Variants in AKAP6 observed in about 807,000 individuals in gnomAD.
AKAP6 encodes the protein A-kinase anchoring protein 6.
A neutral mutation model predicts 188.5 loss-of-function variants in AKAP6; 58 were observed. The ratio of observed to expected loss-of-function variants is 0.31; its 90% CI spans 0.25 to 0.38. The LOEUF is 0.38. AKAP6 is among the 10% of genes least tolerant of loss of function. The probability of loss-of-function intolerance (pLI) is 1.00; values close to 1 mark genes in which losing one functional copy is unlikely to be tolerated. For synonymous variants in AKAP6, 989 were observed against 998.6 expected (o/e 0.99, Z 0.18); for missense variants, 2,710 against 2,740.0 (o/e 0.99, Z 0.24).
At chr14:32,684,597 G>C (rs781029484) in intron 8 of AKAP6, among the ~76,000 whole-genome samples, 25 of 152,174 alleles carry the variant, frequency 1.6e-4, no homozygotes, top group Non-Finnish European at 3.4e-4. Context: ...AGAGGAGAGA[G>C]AGAAACTAGA....
intron 12 of AKAP6, among the ~76,000 whole-genome samples, chr14:32,787,530 A>C (rs1016705311): frequency 6.6e-6 from 1 of 152,224 alleles, no homozygotes; most frequent in Non-Finnish European, 1.5e-5. Flanking sequence ...CCCCCAAAAA[A>C]ATTAAAAGCA....
intron 2 of AKAP6, among the ~76,000 whole-genome samples, chr14:32,456,879 A>G (rs1381334608): frequency 1.3e-5 from 2 of 152,248 alleles, no homozygotes; most frequent in Admixed American, 6.5e-5. Context: ...GAAATAATTT[A>G]TATGAAAAAA....
intron 1 of AKAP6, among the ~76,000 whole-genome samples, chr14:32,369,783 C>T (rs1157213344): frequency 6.6e-6 from 1 of 152,200 alleles, no homozygotes; most frequent in Non-Finnish European, 1.5e-5. Flanking sequence ...AAATCATAAC[C>T]TCCTTGGGAG....
At chr14:32,753,094 G>T (rs1213928487) in intron 11 of AKAP6, among the ~76,000 whole-genome samples, 1 of 152,060 alleles carries the variant, frequency 6.6e-6, no homozygotes, top group Admixed American at 6.6e-5. Context: ...TCATGTGGTA[G>T]TTCTGCTTTT....
intron 12 of AKAP6, among the ~76,000 whole-genome samples, chr14:32,818,628 A>T (rs1034017423): frequency 1.4e-4 from 21 of 151,930 alleles, no homozygotes; most frequent in Non-Finnish European, 2.5e-4. Flanking sequence ...GAGCAAAGGA[A>T]TTTTTTCCTT....
chr14:32,687,126 GA>G (rs1241921327), intron 8 of AKAP6, among the ~76,000 whole-genome samples: 1 of 152,282 alleles, frequency 6.6e-6, no homozygotes, highest in East Asian at 1.9e-4. Context: ...TTTAGGAAAA[GA>G]AGTGCCTCTA....
intron 9 of AKAP6, among the ~76,000 whole-genome samples, chr14:32,698,976 C>T (rs773111651): frequency 2.6e-4 from 40 of 152,252 alleles, no homozygotes; most frequent in Non-Finnish European, 4.9e-4. Context: ...CTGGGTGTCT[C>T]TCTGTATTTC....
chr14:32,552,131 G>A (rs1594737450), intron 4 of AKAP6, among the ~76,000 whole-genome samples: 3 of 152,136 alleles, frequency 2.0e-5, no homozygotes, highest in African/African-American at 4.8e-5. Flanking sequence ...GTAATTGCTC[G>A]ATAAAGACTA....
intron 7 of AKAP6, among the ~76,000 whole-genome samples, chr14:32,635,760 TG>T (rs1280401417): frequency 9.2e-5 from 14 of 152,260 alleles, no homozygotes; most frequent in African/African-American, 3.4e-4. Flanking sequence ...ATGTTGAAAA[TG>T]AGTGATTAAT....
intron 11 of AKAP6, among the ~76,000 whole-genome samples, chr14:32,742,348 C>T (rs2031718551): frequency 6.8e-6 from 1 of 148,100 alleles, no homozygotes; most frequent in African/African-American, 2.5e-5. Flanking sequence ...GTATTTTTTT[C>T]TTCATTTCAA....
At chr14:32,642,453 G>T (rs1289213574) in intron 7 of AKAP6, among the ~76,000 whole-genome samples, 1 of 152,120 alleles carries the variant, frequency 6.6e-6, no homozygotes, top group Non-Finnish European at 1.5e-5. Flanking sequence ...CTCTATTTCA[G>T]GCAATATAAA....
chr14:32,738,590 G>A (rs1300488687), intron 11 of AKAP6, among the ~76,000 whole-genome samples: 1 of 152,118 alleles, frequency 6.6e-6, no homozygotes, highest in Non-Finnish European at 1.5e-5. Flanking sequence ...TCTTATATGT[G>A]TGGGTATTTA....
chr14:32,619,764 TA>T (rs1477707219), intron 7 of AKAP6, among the ~76,000 whole-genome samples: 1 of 152,222 alleles, frequency 6.6e-6, no homozygotes, highest in African/African-American at 2.4e-5. Context: ...CTTTGAGCAA[TA>T]TGGTCATTTT....
intron 7 of AKAP6, among the ~76,000 whole-genome samples, chr14:32,651,651 A>G (rs1888232582): frequency 6.6e-6 from 1 of 152,100 alleles, no homozygotes; most frequent in Admixed American, 6.6e-5. Flanking sequence ...GATAAGCAAG[A>G]GCACACTCCC....
At chr14:32,339,002 G>A (rs909915701) in intron 1 of AKAP6, among the ~76,000 whole-genome samples, 1 of 152,190 alleles carries the variant, frequency 6.6e-6, no homozygotes, top group African/African-American at 2.4e-5. Flanking sequence ...ACTGTGTCAA[G>A]CATATATATT....
Position 32,559,737 on chromosome 14 carries a change from A to C in AKAP6, c.2346+12738A>C, listed in dbSNP as rs142793860. The stretch of plus-strand genomic sequence containing the variant: ...GGGTATTTTTTAAGTTCTTCAAGCA[A>C]TTGTAATGTACAGTTGCGGTTGGGA... On this transcript the variant is annotated intron_variant, in intron 4 of 13. Coordinates refer to ENST00000280979, the MANE Select transcript of AKAP6 (RefSeq NM_004274.5). Among the ~76,000 whole-genome samples, 501 of 151,172 alleles carry C rather than the reference A, an allele frequency of 3.3e-3. 1 individual carries two copies. The highest frequency in any genetic ancestry group is 0.012 in the African/African-American group (490 of 41,120).
intron 1 of AKAP6, among the ~76,000 whole-genome samples, chr14:32,342,738 A>T (rs973646575): frequency 6.6e-6 from 1 of 152,160 alleles, no homozygotes; most frequent in African/African-American, 2.4e-5. Flanking sequence ...ACTGAACAAG[A>T]GATGTGTTAT....
chr14:32,764,345 C>T (rs2032637530), intron 11 of AKAP6, among the ~76,000 whole-genome samples: 1 of 152,162 alleles, frequency 6.6e-6, no homozygotes, highest in Admixed American at 6.5e-5. Flanking sequence ...GTATAGATTA[C>T]TAACTGTTAC....
intron 1 of AKAP6, among the ~76,000 whole-genome samples, chr14:32,346,095 G>A (rs147226185): frequency 1.2e-4 from 18 of 152,166 alleles, no homozygotes; most frequent in African/African-American, 4.1e-4. Context: ...CCTTTATGAT[G>A]AGTCCCCCAT....
Sources: allele counts gnomAD v4.1 joint callset (sites outside exome capture counted in the v4.1 genomes callset), GRCh38; gene constraint gnomAD v4.1.1; transcripts MANE v1.5; gene names NCBI Gene and HGNC (gene_info 2026-07-23, HGNC 2026-07-21).